The following XPO7 variants were observed in gnomAD, a reference collection of about 807,000 sequenced individuals.
The protein encoded by XPO7 is exportin-7.
Under a neutral mutation model 144.3 loss-of-function variants are expected in XPO7, and 21 were observed. The observed-to-expected ratio is 0.15, with a 90% CI of 0.10 to 0.21. The LOEUF is 0.21. Among genes scored for constraint, XPO7 ranks in the 10% least tolerant of loss-of-function variants. The probability of loss-of-function intolerance (pLI) is 1.00; values close to 1 mark genes in which losing one functional copy is unlikely to be tolerated. For synonymous variants in XPO7, 580 were observed against 499.6 expected (o/e 1.16, Z -2.15); for missense variants, 808 against 1,325.8 (o/e 0.61, Z 6.06).
chr8:21,947,918 A>G (rs545607521), intron 1 of XPO7, among the ~76,000 whole-genome samples: 1 of 152,338 alleles, frequency 6.6e-6, no homozygotes, highest in South Asian at 2.1e-4. Context: ...GTAAAAACTG[A>G]TAGAACTATA....
chr8:21,970,515 C>A (rs1812021726), intron 4 of XPO7, among the ~76,000 whole-genome samples: 1 of 152,048 alleles, frequency 6.6e-6, no homozygotes, highest in African/African-American at 2.4e-5. Flanking sequence ...AAAAACAAAC[C>A]ATGTCTCAGT....
At chr8:21,978,974 C>T (rs963937051) in intron 8 of XPO7, among the ~76,000 whole-genome samples, 1 of 152,108 alleles carries the variant, frequency 6.6e-6, no homozygotes, top group Non-Finnish European at 1.5e-5. Flanking sequence ...GGAAAAGGGT[C>T]GAAAGCAGAT....
At chr8:21,950,438 A>T (rs912901089) in intron 1 of XPO7, among the ~76,000 whole-genome samples, 15 of 152,214 alleles carry the variant, frequency 9.9e-5, no homozygotes, top group Admixed American at 9.8e-4. Context: ...AGTGAGAATT[A>T]TTCTCCCCAT....
chr8:21,929,916 G>A (rs546765000), intron 1 of XPO7, among the ~76,000 whole-genome samples: 1 of 152,206 alleles, frequency 6.6e-6, no homozygotes, highest in East Asian at 1.9e-4. Flanking sequence ...GAATTATTTT[G>A]TTCTTAACAT....
intron 1 of XPO7, among the ~76,000 whole-genome samples, chr8:21,924,146 T>C (rs1810382583): frequency 1.3e-5 from 2 of 152,234 alleles, no homozygotes. Context: ...AGTTCCTCAC[T>C]GGCTGTTGTC....
At position 21,982,776 on chromosome 8, in the gene XPO7, T is replaced by C; in HGVS notation, c.1241T>C (p.Ile414Thr). The C allele has an allele frequency of 6.2e-7, 1 of 1,613,174 alleles. No individual in the cohort carries two copies. Among genetic ancestry groups the C allele is most frequent in the East Asian group, 2.2e-5 (1 of 44,878 alleles). Residue 414 changes from isoleucine (I) to threonine (T), a missense_variant, in exon 11 of 28, where the codon ATC becomes ACC. Ile to Thr is a moderately conservative substitution (Grantham distance 89). Transcript: ENST00000252512. Reference sequence around the variant, plus strand: ...ACTCCTGAGGTCACCAAAGCCTACATCACATCCCGGTTGGAATCTGTGCAC... The same window carrying C: ...ACTCCTGAGGTCACCAAAGCCTACACCACATCCCGGTTGGAATCTGTGCAC... ...TYTPEVTKAY[I>T]TSRLESVHII...
chr8:22,001,625 G>A (rs1813151400), intron 24 of XPO7, among the ~76,000 whole-genome samples: 1 of 152,202 alleles, frequency 6.6e-6, no homozygotes, highest in South Asian at 2.1e-4. Flanking sequence ...CAGAGCATAG[G>A]CTCATACCCC....
chr8:21,944,296 A>G (rs367599603), intron 1 of XPO7, among the ~76,000 whole-genome samples: 2 of 152,160 alleles, frequency 1.3e-5, no homozygotes, highest in African/African-American at 2.4e-5. Context: ...ATAAGGGTCA[A>G]ACGCGGTGGC....
At chr8:21,977,687 T>A in intron 7 of XPO7, 83 bp from the exon 8 acceptor site, 1 of 1,275,238 alleles carries the variant, frequency 7.8e-7, no homozygotes, top group Middle Eastern at 1.9e-4. Flanking sequence ...AAGGATGTGC[T>A]CCCTGATGTA....
intron 16 of XPO7, among the ~76,000 whole-genome samples, chr8:21,989,298 A>G (rs2117377223): frequency 6.6e-6 from 1 of 152,372 alleles, no homozygotes; most frequent in African/African-American, 2.4e-5. Flanking sequence ...CTGATAGTTT[A>G]GTACAGATTT....
At chr8:21,927,338 G>A (rs1810489926) in intron 1 of XPO7, among the ~76,000 whole-genome samples, 1 of 152,028 alleles carries the variant, frequency 6.6e-6, no homozygotes, top group Admixed American at 6.5e-5. Context: ...CTAGTTCTTG[G>A]AATTCTACAG....
In XPO7 at chr8:21,966,884, A is replaced by G. The variant is rs757019578; in HGVS notation, c.46A>G (p.Lys16Glu). ...CCTGGCCCAACTAGAGAATCTGTGC[A>G]AACAGCTGTATGAAACCACAGACAC... ...QSLAQLENLCKQLYETTDTTT... is the reference protein window; with the variant it reads ...QSLAQLENLCEQLYETTDTTT... Residue 16 changes from lysine to glutamate, a missense_variant, in exon 2 of 28, where the codon AAA (lysine) becomes GAA (glutamate). This residue lies in a region of XPO7 where 223 missense variants were observed against 368.8 expected (regional missense o/e 0.60). Coordinates refer to ENST00000252512, the MANE Select transcript of XPO7 (RefSeq NM_015024.5). 1.2e-6 allele frequency: 2 copies of G among 1,613,844 alleles called. No individual in the cohort carries two copies. Among genetic ancestry groups the G allele is most frequent in the Non-Finnish European group, 1.7e-6 (2 of 1,179,782 alleles).
intron 1 of XPO7, among the ~76,000 whole-genome samples, chr8:21,927,260 A>G (rs1178939591): frequency 2.0e-5 from 3 of 152,176 alleles, no homozygotes; most frequent in Non-Finnish European, 2.9e-5. Flanking sequence ...ATTAAATTCA[A>G]ATAAAATAAG....
chr8:21,928,054 G>A (rs1043952159), intron 1 of XPO7, among the ~76,000 whole-genome samples: 5 of 152,134 alleles, frequency 3.3e-5, no homozygotes, highest in Middle Eastern at 3.2e-3. Context: ...CTGTGACTCC[G>A]GGATCAAAAT....
Position 21,974,777 on chromosome 8 carries a change from G to A in XPO7, c.597+3G>A, listed in dbSNP as rs776560610. ...TTTCCTGCAATTTACTAAAACAGGT[G>A]AGCATGTAGTTTGGGTCATATTTCC... On this transcript the variant is annotated splice_donor_region_variant and intron_variant, in intron 6 of 27. Transcript: ENST00000252512. 1.2e-5 allele frequency: 18 copies of A among 1,556,478 alleles called. No homozygotes were observed. The highest frequency in any genetic ancestry group is 1.6e-5 in the Non-Finnish European group (18 of 1,148,480).
Position 21,946,586 on chromosome 8 carries a change from C to CAA in XPO7, c.19-20260_19-20259dup, listed in dbSNP as rs11462969. Among the ~76,000 whole-genome samples the CAA allele has an allele frequency of 7.4e-3, 902 of 121,556 alleles. 4 individuals carry two copies. Among genetic ancestry groups the CAA allele is most frequent in the South Asian group, 0.023 (88 of 3,902 alleles). The allele number at this position is 121,556 out of a possible 152,430, so 79.7% of individuals were successfully genotyped here. On this transcript the variant is annotated intron_variant, in intron 1 of 27. Coordinates refer to ENST00000252512, the MANE Select transcript of XPO7 (RefSeq NM_015024.5). ...CTTTTCTAGAACTGAAAAAAAAAAA[C>CAA]AAAAAAAAAAAACATGAATCTAAGT...
At position 21,994,372 on chromosome 8, in the gene XPO7, G is replaced by T; in HGVS notation, c.2158G>T (p.Val720Phe). ...TTGCCTTCTACTACAGCGAACTCTA[G>T]TTGGCCTAGTAAGAGACCTGAGAGG... ...FNEQEAKRTL[V>F]GLVRDLRGIA... The change falls in exon 20 of 28, where the codon GTT (valine) becomes TTT (phenylalanine). Residue 720 changes from valine to phenylalanine, a missense_variant. Physicochemically the swap from Val to Phe is conservative, Grantham distance 50 (BLOSUM62 -1). This residue lies in a region of XPO7 where 416 missense variants were observed against 612.5 expected (regional missense o/e 0.68). Transcript: ENST00000252512. 2 of 1,612,010 alleles carry T rather than the reference G, an allele frequency of 1.2e-6. No individual in the cohort carries two copies. The highest frequency in any genetic ancestry group is 1.7e-6 in the Non-Finnish European group (2 of 1,178,546).
chr8:21,991,098 T>G lies in XPO7; in HGVS notation c.2041+179T>G, dbSNP rs554282532. Among the ~76,000 whole-genome samples, 7 of 152,366 alleles carry G rather than the reference T, an allele frequency of 4.6e-5. No homozygotes were observed. In the South Asian group the frequency reaches 1.4e-3, roughly 32 times the overall value. On this transcript the variant is annotated intron_variant, in intron 18 of 27. Transcript: ENST00000252512. ...ATCATGCTGTCGAGGTCCTTATAAC[T>G]GGAAGAGAGTAACAGTCTGCTCCTG... is the stretch of plus-strand genomic sequence containing the variant.
At chr8:21,923,917 A>C (rs926894352) in intron 1 of XPO7, among the ~76,000 whole-genome samples, 1 of 152,212 alleles carries the variant, frequency 6.6e-6, no homozygotes, top group Non-Finnish European at 1.5e-5. Flanking sequence ...TGCAAGGAAG[A>C]TAGTGTTTTG....
Sources: gnomAD v4.1 joint callset for allele counts (sites outside exome capture counted in the v4.1 genomes callset) on GRCh38, gnomAD v4.1.1 for gene constraint, gnomAD v4.1.1 regional missense constraint, MANE v1.5 for transcripts, NCBI Gene and HGNC (gene_info 2026-07-23, HGNC 2026-07-21) for gene names.